Variants in PDLIM1 observed in about 807,000 individuals in gnomAD.
PDLIM1 encodes the protein PDZ and LIM domain 1.
In PDLIM1, 25 loss-of-function variants were observed where a neutral mutation model predicts 35.2. That is an observed-to-expected ratio of 0.71 (90% CI 0.52 to 0.99). PDLIM1 has a LOEUF of 0.99. Ranked by LOEUF, PDLIM1 falls within the 50% of genes least tolerant of loss-of-function variation. The probability of loss-of-function intolerance (pLI) is 0.00; values close to 1 mark genes in which losing one functional copy is unlikely to be tolerated. For missense variants in PDLIM1, 363 were observed against 415.3 expected, an observed-to-expected ratio of 0.87 and a Z score of 1.09; for synonymous variants, 152 against 154.0, an observed-to-expected ratio of 0.99 and a Z score of 0.10.
rs74153813 is a variant in PDLIM1 at position 95,245,138 on chromosome 10, T to A, written c.685+2077A>T. ...CCAGACTAAGGGCTAAAATTTTTTT[T>A]AAAAAGAATCCTAATTCCCAGACTC... On this transcript the variant is annotated intron_variant, in intron 5 of 6. Transcript: ENST00000329399. Among the ~76,000 whole-genome samples, 172 of 152,262 alleles carry A rather than the reference T, an allele frequency of 1.1e-3. 1 individual carries two copies. Among genetic ancestry groups the A allele is most frequent in the South Asian group, 4.4e-3 (21 of 4,818 alleles).
intron 4 of PDLIM1, among the ~76,000 whole-genome samples, chr10:95,257,949 G>C (rs7087560): frequency 0.63 from 95,208 of 152,076 alleles, 30,958 homozygotes; most frequent in Non-Finnish European, 0.7. Flanking sequence ...TAAAGATATA[G>C]CCAAGACTGG....
At chr10:95,238,771 A>G in intron 5 of PDLIM1, 86 bp from the exon 6 acceptor site, 1 of 827,298 alleles carries the variant, frequency 1.2e-6, no homozygotes, top group Non-Finnish European at 2.1e-6. Context: ...TTATAAATAT[A>G]TGTTCAAGCA....
chr10:95,267,170 G>C (rs1398609897), intron 3 of PDLIM1, among the ~76,000 whole-genome samples: 1 of 152,146 alleles, frequency 6.6e-6, no homozygotes, highest in African/African-American at 2.4e-5. Context: ...TTTGTAATCT[G>C]AAGAGAACTA....
chr10:95,280,606 T>G (rs145015814), intron 1 of PDLIM1, among the ~76,000 whole-genome samples: 1 of 152,350 alleles, frequency 6.6e-6, no homozygotes, highest in East Asian at 1.9e-4. Flanking sequence ...ACAGTACTGT[T>G]GCCTTTTTGA....
intron 3 of PDLIM1, among the ~76,000 whole-genome samples, chr10:95,266,442 C>T (rs2133428414): frequency 6.6e-6 from 1 of 152,254 alleles, no homozygotes; most frequent in Admixed American, 6.5e-5. Flanking sequence ...TTCCTAGGAG[C>T]AGCAGAGGAT....
chr10:95,268,811 AT>A lies in PDLIM1; in HGVS notation c.299del (p.His100LeufsTer5). 6.2e-7 allele frequency: 1 copy of A among 1,613,538 alleles called. No homozygotes were observed. Among genetic ancestry groups the A allele is most frequent in the South Asian group, 1.1e-5 (1 of 91,064 alleles). ...CAGAGGCTAAATTCATCTTGTATGGATGACGCTTCCCTTCCTCCGTCACCAG... is the reference window on the plus strand; with the variant it reads ...CAGAGGCTAAATTCATCTTGTATGGAGACGCTTCCCTTCCTCCGTCACCAG... ...SPLVTEEGKR[H>X]PYKMNLASEP... On this transcript the variant is annotated frameshift_variant, in exon 3 of 7. Coordinates refer to ENST00000329399, the MANE Select transcript of PDLIM1 (RefSeq NM_020992.4). LOFTEE classifies it high-confidence loss of function.
At chr10:95,238,764 T>A in intron 5 of PDLIM1, 79 bp from the exon 6 acceptor site, 1 of 859,708 alleles carries the variant, frequency 1.2e-6, no homozygotes, top group African/African-American at 1.6e-5. Context: ...GAACCACTTA[T>A]AAATATATGT....
At chr10:95,288,392 C>A (rs2035620014) in intron 1 of PDLIM1, among the ~76,000 whole-genome samples, 1 of 152,146 alleles carries the variant, frequency 6.6e-6, no homozygotes, top group Non-Finnish European at 1.5e-5. Flanking sequence ...CAAAACTATA[C>A]CAGCAAATTG....
intron 5 of PDLIM1, among the ~76,000 whole-genome samples, chr10:95,241,119 C>T (rs1298160145): frequency 6.6e-6 from 1 of 152,174 alleles, no homozygotes; most frequent in Non-Finnish European, 1.5e-5. Flanking sequence ...GCAGTCACGT[C>T]GGGCAATCGC....
intron 1 of PDLIM1, among the ~76,000 whole-genome samples, chr10:95,281,624 A>C (rs542180044): frequency 4.5e-4 from 68 of 152,224 alleles, no homozygotes; most frequent in Non-Finnish European, 8.5e-4. Flanking sequence ...ACCCCTGAAA[A>C]TGCTATGCAA....
rs764741236 is a variant in PDLIM1, at chr10:95,264,007, C to T, written c.390G>A (p.Ser130=). ...CCCTGGCAGTAGTGCTGGAGGCAGG[C>T]GAGGCGGTAAAGGGCATGGCACTTC... The part of the protein sequence containing the change: ...HNRSAMPFTA[S]PASSTTARVI... The change falls in exon 4 of 7, where the codon TCG becomes TCA. Residue 130 remains serine, a synonymous_variant. Coordinates refer to ENST00000329399, the MANE Select transcript of PDLIM1 (RefSeq NM_020992.4). 6.2e-6 allele frequency: 10 copies of T among 1,613,590 alleles called. No homozygotes were observed. Among genetic ancestry groups the T allele is most frequent in the Non-Finnish European group, 8.5e-6 (10 of 1,179,872 alleles).
chr10:95,248,500 G>A (rs925378044), intron 4 of PDLIM1, among the ~76,000 whole-genome samples: 8 of 152,252 alleles, frequency 5.3e-5, no homozygotes, highest in African/African-American at 7.2e-5. Flanking sequence ...CTCCAGCCTC[G>A]GACTCCCAAA....
Position 95,268,633 on chromosome 10 carries a change from G to C in PDLIM1, c.333+145C>G, listed in dbSNP as rs1589515237. On this transcript the variant is annotated intron_variant, in intron 3 of 6. Transcript: ENST00000329399. ...CTGCAGTTCCCTTACGGGAAGAACT[G>C]AACAAGAGCCAGATACCAGCAGAGA... 5 of 659,496 alleles carry C rather than the reference G, an allele frequency of 7.6e-6. No individual in the cohort carries two copies. The South Asian group carries it at 8.9e-5, about 12-fold the overall frequency. The allele number at this position is 659,496 out of a possible 1,614,324, so 40.9% of individuals were successfully genotyped here.
intron 1 of PDLIM1, among the ~76,000 whole-genome samples, chr10:95,274,293 CTTTT>C (rs11429361): frequency 7.7e-6 from 1 of 130,600 alleles, no homozygotes. Flanking sequence ...CACAGTCATC[CTTTT>C]TTTTTTTTTT....
At chr10:95,275,438 A>G (rs1366360395) in intron 1 of PDLIM1, among the ~76,000 whole-genome samples, 1 of 152,196 alleles carries the variant, frequency 6.6e-6, no homozygotes, top group Non-Finnish European at 1.5e-5. Flanking sequence ...AGTATCCTCA[A>G]CACCCAATAA....
At chr10:95,247,161 A>C (rs1183269334) in intron 5 of PDLIM1, 54 bp downstream of exon 5, 19 of 1,521,130 alleles carry the variant, frequency 1.2e-5, no homozygotes, top group Non-Finnish European at 1.7e-5. Context: ...ACAATGACTG[A>C]CTCTCACATC....
chr10:95,258,928 G>A (rs1047389114), intron 4 of PDLIM1, among the ~76,000 whole-genome samples: 14 of 152,084 alleles, frequency 9.2e-5, no homozygotes, highest in Non-Finnish European at 1.6e-4. Context: ...ACAATATACT[G>A]AGTAGAAAAG....
intron 4 of PDLIM1, among the ~76,000 whole-genome samples, chr10:95,252,898 A>C (rs950713364): frequency 3.9e-5 from 6 of 152,280 alleles, no homozygotes; most frequent in Admixed American, 2.6e-4. Flanking sequence ...ACCTATGGGA[A>C]TATATAAAAG....
At chr10:95,274,708 A>AGG (rs2035496964) in intron 1 of PDLIM1, among the ~76,000 whole-genome samples, 2 of 152,208 alleles carry the variant, frequency 1.3e-5, no homozygotes, top group Admixed American at 1.3e-4. Flanking sequence ...CTCAGCAGTA[A>AGG]GGTGCATGAG....
Sources: gnomAD v4.1 joint callset for allele counts (sites outside exome capture counted in the v4.1 genomes callset) on GRCh38, gnomAD v4.1.1 for gene constraint, MANE v1.5 for transcripts, NCBI Gene and HGNC (gene_info 2026-07-23, HGNC 2026-07-21) for gene names.